CLMN: variants seen among roughly 807,000 people sequenced by gnomAD.
CLMN encodes calmin (calponin-like, transmembrane).
In CLMN, 57 loss-of-function variants were observed where a neutral mutation model predicts 92.7. The ratio of observed to expected loss-of-function variants is 0.61; its 90% CI spans 0.50 to 0.77. The LOEUF is 0.77. Ranked by LOEUF, CLMN falls within the 30% of genes least tolerant of loss-of-function variation. The pLI, the probability that CLMN is intolerant of heterozygous loss-of-function variation, is 0.00. For missense variants in CLMN, 1,158 were observed against 1,237.5 expected, an observed-to-expected ratio of 0.94 and a Z score of 0.96; for synonymous variants, 466 against 470.6, an observed-to-expected ratio of 0.99 and a Z score of 0.13.
Position 95,319,823 on chromosome 14 carries a change from C to A in CLMN, c.-31G>T, listed in dbSNP as rs1411252584. 19 of 1,296,554 alleles carry A rather than the reference C, an allele frequency of 1.5e-5. No homozygotes were observed. The highest frequency in any genetic ancestry group is 1.9e-5 in the Non-Finnish European group (19 of 1,008,520). The allele number at this position is 1,296,554 out of a possible 1,614,324, so 80.3% of individuals were successfully genotyped here. A position where few individuals can be genotyped will look rare whatever the true frequency, so the allele number is the denominator to read the frequency against. ...GCGGGCGGGAGAGCCCGGGCCAGCG[C>A]GGCGCGGGCGGCGGGCGCGGAGAGC... On this transcript the variant is annotated 5_prime_UTR_variant, in exon 1 of 13. Transcript: ENST00000298912.
At position 95,194,471 on chromosome 14, in the gene CLMN, A is replaced by G; in HGVS notation, c.2769+65T>C. On this transcript the variant is annotated intron_variant, in intron 11 of 12. Coordinates refer to ENST00000298912, the MANE Select transcript of CLMN (RefSeq NM_024734.4). The surrounding 1 kb of genome is among the most constrained non-coding windows in gnomAD (Gnocchi z 4.0). ...ATTTCAAAGCTCTGGGCTGGGGAGG[A>G]GGAAGGATGGAAAGGAATTGATTAG... is the stretch of plus-strand genomic sequence containing the variant. The G allele has an allele frequency of 6.2e-7, 1 of 1,612,268 alleles. No homozygotes were observed.
chr14:95,281,556 G>A (rs959825614), intron 1 of CLMN, among the ~76,000 whole-genome samples: 1 of 152,188 alleles, frequency 6.6e-6, no homozygotes, highest in African/African-American at 2.4e-5. Flanking sequence ...GCCAACCAGT[G>A]ATCACTGGCT....
intron 5 of CLMN, among the ~76,000 whole-genome samples, 170 bp downstream of exon 5, chr14:95,215,471 C>T (rs568701939): frequency 8.5e-5 from 13 of 152,326 alleles, no homozygotes; most frequent in Admixed American, 1.3e-4. Context: ...CACAGAGACT[C>T]AAACACTTTA....
chr14:95,229,518 G>C (rs553392016), intron 2 of CLMN, among the ~76,000 whole-genome samples: 1 of 152,238 alleles, frequency 6.6e-6, no homozygotes, highest in African/African-American at 2.4e-5. Flanking sequence ...CCGTGCCTCT[G>C]TTTCCTCCTT....
chr14:95,269,605 C>G (rs1899625621), intron 1 of CLMN, among the ~76,000 whole-genome samples: 1 of 152,194 alleles, frequency 6.6e-6, no homozygotes, highest in Non-Finnish European at 1.5e-5. Flanking sequence ...GTAATTGACA[C>G]CTTGGTTGCG....
At chr14:95,209,184 G>A (rs1389936166) in intron 8 of CLMN, among the ~76,000 whole-genome samples, 1 of 152,136 alleles carries the variant, frequency 6.6e-6, no homozygotes, top group Non-Finnish European at 1.5e-5. Context: ...GCATCGACTG[G>A]GGGTCTTGAA....
chr14:95,189,207 C>CA lies in CLMN; in HGVS notation c.*2356dup, dbSNP rs1477197207. On this transcript the variant is annotated 3_prime_UTR_variant, in exon 13 of 13. Coordinates refer to ENST00000298912, the MANE Select transcript of CLMN (RefSeq NM_024734.4). ...GTGAAATCCTCCTCTACTGTGACAG[C>CA]AAGCCAGTAGATGTTTCTAAATTAA... 1 of 152,160 alleles carries CA rather than the reference C, an allele frequency of 6.6e-6. No individual in the cohort carries two copies. Among genetic ancestry groups the CA allele is most frequent in the Non-Finnish European group, 1.5e-5 (1 of 68,032 alleles). 9.4% of individuals were successfully genotyped at this position (152,160 alleles called of 1,614,324 possible).
intron 1 of CLMN, among the ~76,000 whole-genome samples, chr14:95,311,149 A>G (rs1467223135): frequency 2.0e-5 from 3 of 152,134 alleles, no homozygotes; most frequent in Non-Finnish European, 2.9e-5. Flanking sequence ...GAGGCGCATG[A>G]ACAGTGCTAT....
intron 1 of CLMN, among the ~76,000 whole-genome samples, chr14:95,312,117 CCCT>C (rs1901567020): frequency 6.6e-6 from 1 of 152,056 alleles, no homozygotes; most frequent in African/African-American, 2.4e-5. Flanking sequence ...GCAAATGTCC[CCCT>C]CAAGACTGGA....
intron 1 of CLMN, among the ~76,000 whole-genome samples, chr14:95,246,998 G>A (rs555378547): frequency 2.0e-5 from 3 of 152,324 alleles, no homozygotes; most frequent in Non-Finnish European, 4.4e-5. Flanking sequence ...GACTCCCAGA[G>A]TTGCTGTTCA....
At position 95,200,617 on chromosome 14, in the gene CLMN, A is replaced by T. The variant is rs116494066; in HGVS notation, c.2511+2221T>A. Among the ~76,000 whole-genome samples, 555 of 152,248 alleles carry T rather than the reference A, an allele frequency of 3.6e-3. 6 individuals are homozygous for T. The highest frequency in any genetic ancestry group is 0.012 in the African/African-American group (516 of 41,562). On this transcript the variant is annotated intron_variant, in intron 9 of 12. Coordinates refer to ENST00000298912, the MANE Select transcript of CLMN (RefSeq NM_024734.4). ...TGGCATCTGCAGGAGGAGCCTCCCC[A>T]TCAGGCCAGCCGCCCAGGCACCCCC...
intron 1 of CLMN, among the ~76,000 whole-genome samples, chr14:95,299,183 C>T (rs1183386698): frequency 6.6e-6 from 1 of 152,134 alleles, no homozygotes. Context: ...TCGGGCTGCC[C>T]AGGGTCCTTG....
Position 95,202,869 on chromosome 14 carries a change from G to C in CLMN, c.2480C>G (p.Thr827Ser). Residue 827 changes from threonine to serine, a missense_variant, in exon 9 of 13, where the codon ACC (threonine) becomes AGC (serine). Coordinates refer to ENST00000298912, the MANE Select transcript of CLMN (RefSeq NM_024734.4). ...APHEDHQQRE[T>S]KENDPMDSHQ... ...GCTGTCCATGGGGTCATTCTCTTTGGTCTCCCTTTGCTGGTGGTCCTCATG... is the reference window on the plus strand; with the variant it reads ...GCTGTCCATGGGGTCATTCTCTTTGCTCTCCCTTTGCTGGTGGTCCTCATG... The C allele has an allele frequency of 2.6e-6, 4 of 1,548,672 alleles. No individual in the cohort carries two copies. Among genetic ancestry groups the C allele is most frequent in the Non-Finnish European group, 3.5e-6 (4 of 1,152,182 alleles).
intron 1 of CLMN, among the ~76,000 whole-genome samples, chr14:95,265,252 AAT>A (rs1899427557): frequency 6.6e-6 from 1 of 151,918 alleles, no homozygotes; most frequent in African/African-American, 2.4e-5. Flanking sequence ...AAAAAAAAAA[AAT>A]CCCCAGCTGA....
intron 8 of CLMN, among the ~76,000 whole-genome samples, chr14:95,207,352 T>C (rs1010463816): frequency 2.0e-5 from 3 of 152,200 alleles, no homozygotes; most frequent in Non-Finnish European, 4.4e-5. Context: ...ACTCCTGGGC[T>C]CAAGCAATCC....
At chr14:95,304,162 A>G (rs924833897) in intron 1 of CLMN, among the ~76,000 whole-genome samples, 2 of 152,102 alleles carry the variant, frequency 1.3e-5, no homozygotes, top group Non-Finnish European at 1.5e-5. Flanking sequence ...ACATAGTGAG[A>G]CTTTGTCTCT....
chr14:95,213,123 A>T, intron 6 of CLMN, 96 bp downstream of exon 6: 1 of 1,339,752 alleles, frequency 7.5e-7, no homozygotes, highest in Non-Finnish European at 1.0e-6. Flanking sequence ...ATGGGCACAT[A>T]CATAACTGGC....
chr14:95,262,808 C>G (rs1899311897), intron 1 of CLMN, among the ~76,000 whole-genome samples: 1 of 152,186 alleles, frequency 6.6e-6, no homozygotes, highest in East Asian at 1.9e-4. Context: ...TTCAAGCAAT[C>G]CTCCTGCCTT....
At chr14:95,310,823 G>A (rs992418692) in intron 1 of CLMN, among the ~76,000 whole-genome samples, 7 of 152,234 alleles carry the variant, frequency 4.6e-5, no homozygotes, top group Admixed American at 2.6e-4. Context: ...GGTAAAGGGC[G>A]TGGCCTGTGG....
Sources: gnomAD v4.1 joint callset for allele counts (sites outside exome capture counted in the v4.1 genomes callset) on GRCh38, gnomAD v4.1.1 for gene constraint, Gnocchi (gnomAD v3.1) non-coding constraint, MANE v1.5 for transcripts, NCBI Gene and HGNC (gene_info 2026-07-23, HGNC 2026-07-21) for gene names.